Variants in GGA2 observed in about 807,000 individuals in gnomAD.
GGA2 encodes the protein ADP-ribosylation factor-binding protein GGA2.
GGA2 carries 48 observed loss-of-function variants against 79.5 expected under a neutral mutation model. The observed-to-expected ratio is 0.60, with a 90% CI of 0.48 to 0.77. GGA2 has a LOEUF of 0.77. Among genes scored for constraint, GGA2 ranks in the 30% least tolerant of loss-of-function variants. The pLI is 0.00. For missense variants in GGA2, 770 were observed against 774.0 expected, an observed-to-expected ratio of 0.99 and a Z score of 0.06; for synonymous variants, 317 against 302.0, an observed-to-expected ratio of 1.05 and a Z score of -0.51.
At chr16:23,503,642 A>T (rs943057206) in intron 1 of GGA2, among the ~76,000 whole-genome samples, 5 of 152,240 alleles carry the variant, frequency 3.3e-5, no homozygotes, top group African/African-American at 1.2e-4. Flanking sequence ...AAACCTATAC[A>T]CAAGAACTTA....
In GGA2 at chr16:23,482,904, C is replaced by A. The variant is rs760461663; in HGVS notation, c.880+19G>T. 2 of 1,497,984 alleles carry A rather than the reference C, an allele frequency of 1.3e-6. No homozygotes were observed. The highest frequency in any genetic ancestry group is 2.3e-5 in the South Asian group (2 of 88,838). 92.8% of individuals were successfully genotyped at this position (1,497,984 alleles called of 1,614,324 possible). A position where few individuals can be genotyped will look rare whatever the true frequency, so the allele number is the denominator to read the frequency against. ...CTTGCACCTGGGCTGCTAGCTACAC[C>A]CAAGGAAAGAAAACTTACCGAGTGC... On this transcript the variant is annotated intron_variant, in intron 9 of 16. Transcript: ENST00000309859.
chr16:23,480,767 T>C lies in GGA2; in HGVS notation c.884A>G (p.Glu295Gly). 3 of 1,607,498 alleles carry C rather than the reference T, an allele frequency of 1.9e-6. No homozygotes were observed. The highest frequency in any genetic ancestry group is 1.7e-6 in the Non-Finnish European group (2 of 1,174,384). ...DTTDDDDALA[E>G]ILQANDLLTQ... is the part of the protein sequence containing the mutation. ...GAGGAGGTCATTTGCCTGGAGAATT[T>C]CCGCTGAAGAATGAGGGAAGACTCA... is the stretch of plus-strand genomic sequence containing the variant. Residue 295 changes from glutamate to glycine, a missense_variant, in exon 10 of 17, where the codon GAA (glutamate) becomes GGA (glycine). Physicochemically the swap from Glu to Gly is moderately conservative, Grantham distance 98. Transcript: ENST00000309859.
At chr16:23,523,750 G>T (rs1024552475), upstream of GGA2, 1 of 152,296 alleles carries the variant, frequency 6.6e-6, no homozygotes, top group African/African-American at 2.4e-5. Flanking sequence ...ATTTAAAGAG[G>T]TGATTAACTT....
rs1024623998 is a variant in GGA2, at chr16:23,464,368, G to C, written c.*3222C>G. 1 of 152,152 alleles carries C rather than the reference G, an allele frequency of 6.6e-6. No individual in the cohort carries two copies. The highest frequency in any genetic ancestry group is 2.4e-5 in the African/African-American group (1 of 41,432). The allele number at this position is 152,152 out of a possible 1,614,324, so 9.4% of individuals were successfully genotyped here. A position where few individuals can be genotyped will look rare whatever the true frequency, so the allele number is the denominator to read the frequency against. ...TTGTGGCTGTGGTGAAGCAGGCCCT[G>C]GTCTTGGCAGATGATACCAGAAGGG... is the stretch of plus-strand genomic sequence containing the variant. On this transcript the variant is annotated 3_prime_UTR_variant, in exon 17 of 17. Transcript: ENST00000309859.
In GGA2 at chr16:23,478,897, G is replaced by A; in HGVS notation, c.1144C>T (p.Pro382Ser). The change falls in exon 12 of 17, where the codon CCT (proline) becomes TCT (serine). Residue 382 changes from proline (P) to serine (S), a missense_variant. By Grantham distance (74) the Pro-to-Ser change is moderately conservative. Transcript: ENST00000309859. ...DLAALGISDA[P>S]VTGMVSGQNC... ...GGCATCCTTACCATGCCTGTAACAG[G>A]AGCATCACTGATTCCTGTAAGAAAG... 1 of 1,605,570 alleles carries A rather than the reference G, an allele frequency of 6.2e-7. No homozygotes were observed. The highest frequency in any genetic ancestry group is 8.5e-7 in the Non-Finnish European group (1 of 1,172,640).
rs774544339 is a variant in GGA2 at position 23,486,744 on chromosome 16, G to A, written c.626C>T (p.Ala209Val). The change falls in exon 7 of 17, where the codon GCT becomes GTT. Residue 209 changes from alanine to valine, a missense_variant. Coordinates refer to ENST00000309859, the MANE Select transcript of GGA2 (RefSeq NM_015044.4). ...LKSNHPEDLQ[A>V]ANRLIKNLVK... ...CAAATTCTTGATTAACCGGTTTGCA[G>A]CCTGAAGGTCCTCGGGGTGGTTGCT... The A allele has an allele frequency of 1.2e-6, 2 of 1,611,764 alleles. No individual in the cohort carries two copies. Among genetic ancestry groups the A allele is most frequent in the East Asian group, 2.2e-5 (1 of 44,876 alleles).
intron 7 of GGA2, among the ~76,000 whole-genome samples, chr16:23,486,462 G>A (rs1964714267): frequency 6.6e-6 from 1 of 152,192 alleles, no homozygotes; most frequent in Non-Finnish European, 1.5e-5. Flanking sequence ...GACCCAAGCT[G>A]GTGTCTAGGA....
At chr16:23,483,410 G>A (rs1415323955) in intron 8 of GGA2, among the ~76,000 whole-genome samples, 5 of 152,080 alleles carry the variant, frequency 3.3e-5, no homozygotes, top group Non-Finnish European at 7.4e-5. Flanking sequence ...TTAGGAATTT[G>A]GAAAGACAGT....
chr16:23,514,864 G>C (rs1171964553), upstream of GGA2, among the ~76,000 whole-genome samples: 5 of 152,016 alleles, frequency 3.3e-5, no homozygotes, highest in East Asian at 1.9e-4. Flanking sequence ...GTCAGAATCA[G>C]GTTTGTTGCA....
rs1141325 is a variant in GGA2 at position 23,465,260 on chromosome 16, T to C, written c.*2330A>G. On this transcript the variant is annotated 3_prime_UTR_variant, in exon 17 of 17. Coordinates refer to ENST00000309859, the MANE Select transcript of GGA2 (RefSeq NM_015044.4). The stretch of plus-strand genomic sequence containing the variant: ...TCAGCCTCCCAAAATGCTGGGATTA[T>C]AGGCGTGAGCCACTGTGCACAGCCA... The C allele has an allele frequency of 3.1e-5, 21 of 686,864 alleles. No homozygotes were observed. Among genetic ancestry groups the C allele is most frequent in the Non-Finnish European group, 5.3e-5 (20 of 376,550 alleles). 42.5% of individuals were successfully genotyped at this position (686,864 alleles called of 1,614,324 possible).
upstream of GGA2, chr16:23,523,035 G>C (rs1402231512): frequency 6.6e-6 from 1 of 152,248 alleles, no homozygotes; most frequent in Non-Finnish European, 1.5e-5. Flanking sequence ...CAGAAGCCAC[G>C]ATGTATTTTA....
chr16:23,473,731 T>A (rs1018942760), intron 14 of GGA2, among the ~76,000 whole-genome samples: 9 of 152,348 alleles, frequency 5.9e-5, no homozygotes, highest in Admixed American at 5.2e-4. Context: ...TTATAAAAAG[T>A]TATAAAACTA....
In GGA2 at chr16:23,475,050, G is replaced by A. The variant is rs376619559; in HGVS notation, c.1304C>T (p.Ser435Leu). 7.9e-5 allele frequency: 124 copies of A among 1,574,830 alleles called. No individual in the cohort carries two copies. Among genetic ancestry groups the A allele is most frequent in the African/African-American group, 1.2e-4 (9 of 72,640 alleles). ...QPAPCPLNYV[S>L]QKSVPKEVPP... ...CACTTCCTTGGGGACACTTTTCTGC[G>A]AAACATAATTCCTACAAAGAAATAA... The change falls in exon 14 of 17, where the codon TCG becomes TTG. Residue 435 changes from serine (S) to leucine (L), a missense_variant. Ser to Leu is a moderately radical substitution (Grantham distance 145). Transcript: ENST00000309859.
At chr16:23,471,963 T>C (rs1054391683) in intron 14 of GGA2, among the ~76,000 whole-genome samples, 1 of 151,890 alleles carries the variant, frequency 6.6e-6, no homozygotes, top group African/African-American at 2.4e-5. Flanking sequence ...CTACCAAAGA[T>C]TTAAGAGACT....
chr16:23,506,064 T>G (rs1369810616), intron 1 of GGA2, among the ~76,000 whole-genome samples: 1 of 152,198 alleles, frequency 6.6e-6, no homozygotes, highest in African/African-American at 2.4e-5. Context: ...GTGCTTTCTG[T>G]GTATTAAAGC....
At chr16:23,495,951 G>T (rs1417917501) in intron 1 of GGA2, among the ~76,000 whole-genome samples, 173 bp from the exon 2 acceptor site, 1 of 152,190 alleles carries the variant, frequency 6.6e-6, no homozygotes, top group African/African-American at 2.4e-5. Flanking sequence ...ACCCAGCACA[G>T]CATTGGGCAC....
intron 10 of GGA2, 123 bp downstream of exon 10, chr16:23,480,522 G>A: frequency 1.2e-6 from 1 of 821,374 alleles, no homozygotes; most frequent in East Asian, 2.6e-5. Flanking sequence ...ACAGGAAGGG[G>A]AACAAAGGGC....
chr16:23,478,503 T>C lies in GGA2; in HGVS notation c.1159-2A>G. ...CTCACAGCAATTCTGACCAGAAACC[T>C]GTCAAATCAGGAATGGCTAAAATAA... On this transcript the variant is annotated splice_acceptor_variant, in intron 12 of 16. Transcript: ENST00000309859. LOFTEE classifies it high-confidence loss of function. The C allele has an allele frequency of 6.2e-7, 1 of 1,604,356 alleles. No individual in the cohort carries two copies. Among genetic ancestry groups the C allele is most frequent in the Non-Finnish European group, 8.5e-7 (1 of 1,173,600 alleles).
rs1190442904 is a variant in GGA2 at position 23,510,377 on chromosome 16, C to A, written c.35G>T (p.Gly12Val). ...AATAVAAAVA[G>V]TESAQGPPGP... ...CGGGGGACCCTGGGCCGACTCGGTT[C>A]CCGCCACAGCCGCCGCCACCGCGGT... Residue 12 changes from glycine (G) to valine (V), a missense_variant, in exon 1 of 17, where the codon GGA becomes GTA. By Grantham distance (109) the Gly-to-Val change is moderately radical. Coordinates refer to ENST00000309859, the MANE Select transcript of GGA2 (RefSeq NM_015044.4). The A allele has an allele frequency of 2.8e-6, 4 of 1,414,514 alleles. No individual in the cohort carries two copies. Among genetic ancestry groups the A allele is most frequent in the Non-Finnish European group, 3.7e-6 (4 of 1,082,944 alleles). The allele number at this position is 1,414,514 out of a possible 1,614,324, so 87.6% of individuals were successfully genotyped here.
Sources: allele counts gnomAD v4.1 joint callset (sites outside exome capture counted in the v4.1 genomes callset), GRCh38; gene constraint gnomAD v4.1.1; transcripts MANE v1.5; gene names NCBI Gene and HGNC (gene_info 2026-07-23, HGNC 2026-07-21).